The following CFAP263 variants were observed in gnomAD, a reference collection of about 807,000 sequenced individuals.
CFAP263 encodes the protein cilia and flagella associated protein 263, also known as cilia- and flagella-associated protein 263.
the CFAP263 span, among the ~76,000 whole-genome samples, chr16:58,254,707 C>A: frequency 1.3e-5 from 2 of 151,906 alleles, no homozygotes; most frequent in African/African-American, 4.8e-5. Context: ...CGGGTTCACA[C>A]CATTCTCCTG....
At chr16:58,253,962 C>T in the CFAP263 span, 30 of 1,612,804 alleles carry the variant, frequency 1.9e-5, no homozygotes, top group Non-Finnish European at 2.3e-5. Flanking sequence ...TTACCAATTC[C>T]TCTTTGACAA....
At chr16:58,264,299 C>T in the CFAP263 span, among the ~76,000 whole-genome samples, 2 of 152,192 alleles carry the variant, frequency 1.3e-5, no homozygotes, top group Non-Finnish European at 2.9e-5. Context: ...CAGGGCCTGC[C>T]TGGTCCTGTG....
At chr16:58,250,060 G>C in the CFAP263 span, 1 of 1,600,860 alleles carries the variant, frequency 6.2e-7, no homozygotes, top group African/African-American at 1.3e-5. Flanking sequence ...CTCCCATGAA[G>C]GGTCGGAGCT....
At chr16:58,257,359 G>A in the CFAP263 span, among the ~76,000 whole-genome samples, 1 of 152,056 alleles carries the variant, frequency 6.6e-6, no homozygotes, top group African/African-American at 2.4e-5. Context: ...ATGTTATTTT[G>A]TAAACTGTAT....
the CFAP263 span, chr16:58,278,347 C>T: frequency 1.2e-6 from 1 of 809,694 alleles, no homozygotes; most frequent in South Asian, 2.0e-5. Flanking sequence ...TCCCACCCCT[C>T]CCCAACCTCT....
the CFAP263 span, among the ~76,000 whole-genome samples, chr16:58,266,694 C>G: frequency 6.6e-6 from 1 of 151,948 alleles, no homozygotes; most frequent in Admixed American, 6.6e-5. Context: ...CTCTGCCCAG[C>G]AAAGCACATC....
chr16:58,269,413 AGGAAGG>A, the CFAP263 span, among the ~76,000 whole-genome samples: 3 of 139,676 alleles, frequency 2.1e-5, no homozygotes, highest in Admixed American at 1.4e-4. Flanking sequence ...AAGGAAAGAA[AGGAAGG>A]GAGGAAAGAA....
chr16:58,263,451 A>C, the CFAP263 span, among the ~76,000 whole-genome samples: 5 of 152,084 alleles, frequency 3.3e-5, no homozygotes, highest in Admixed American at 1.3e-4. Flanking sequence ...AATACCCACA[A>C]TTTTGCTTCT....
chr16:58,279,560 A>G, the CFAP263 span: 3 of 692,854 alleles, frequency 4.3e-6, no homozygotes, highest in African/African-American at 1.8e-5. Context: ...TGCCCCACAC[A>G]GGGTTGCCTG....
the CFAP263 span, chr16:58,280,293 G>C: frequency 1.2e-6 from 2 of 1,614,026 alleles, no homozygotes; most frequent in Non-Finnish European, 1.7e-6. Flanking sequence ...GATACAACCT[G>C]TTCTGACCTG....
chr16:58,262,566 C>A, the CFAP263 span: 1 of 1,577,142 alleles, frequency 6.3e-7, no homozygotes, highest in Non-Finnish European at 8.7e-7. Context: ...ATACCCAGGG[C>A]TCCCCCAAGG....
At chr16:58,270,083 C>T in the CFAP263 span, among the ~76,000 whole-genome samples, 1 of 152,198 alleles carries the variant, frequency 6.6e-6, no homozygotes, top group African/African-American at 2.4e-5. Context: ...TCCCTAATGA[C>T]ATGGAGCATC....
chr16:58,278,630 T>G, the CFAP263 span: 2 of 1,614,106 alleles, frequency 1.2e-6, no homozygotes, highest in South Asian at 1.1e-5. Flanking sequence ...AAAGTGGAGA[T>G]AGCAGAGGTG....
the CFAP263 span, among the ~76,000 whole-genome samples, chr16:58,259,671 G>T: frequency 1.3e-5 from 2 of 152,118 alleles, no homozygotes; most frequent in South Asian, 4.1e-4. Flanking sequence ...AGTGTCCTCT[G>T]CTTCTTGGTC....
At chr16:58,258,716 T>A in the CFAP263 span, among the ~76,000 whole-genome samples, 41 of 152,326 alleles carry the variant, frequency 2.7e-4, no homozygotes, top group South Asian at 1.4e-3. Flanking sequence ...CTAGGTGCAG[T>A]GGCTCATGCC....
chr16:58,261,476 G>T, the CFAP263 span, among the ~76,000 whole-genome samples: 2 of 152,176 alleles, frequency 1.3e-5, no homozygotes, highest in African/African-American at 2.4e-5. Flanking sequence ...ACAGACACGG[G>T]CCCTGCCCTT....
At chr16:58,254,693 C>T in the CFAP263 span, among the ~76,000 whole-genome samples, 2 of 151,996 alleles carry the variant, frequency 1.3e-5, no homozygotes, top group African/African-American at 4.8e-5. Flanking sequence ...CAAGCTCCGC[C>T]TCCCGGGTTC....
chr16:58,268,859 G>A, the CFAP263 span, among the ~76,000 whole-genome samples: 2 of 151,970 alleles, frequency 1.3e-5, no homozygotes, highest in Non-Finnish European at 2.9e-5. Context: ...GTATATTTTA[G>A]TTTTCTTGTT....
the CFAP263 span, chr16:58,252,955 C>A: frequency 8.8e-7 from 1 of 1,130,342 alleles, no homozygotes; most frequent in Non-Finnish European, 1.3e-6. Context: ...GCCAATTGAC[C>A]ATGGGACCTT....
Sources: allele counts gnomAD v4.1 joint callset (sites outside exome capture counted in the v4.1 genomes callset), GRCh38; gene constraint gnomAD v4.1.1; transcripts MANE v1.5; gene names NCBI Gene and HGNC (gene_info 2026-07-23, HGNC 2026-07-21).